Variants in CCDC7 observed in about 807,000 individuals in gnomAD.
The protein encoded by CCDC7 is coiled-coil domain-containing protein 7.
CCDC7 carries 183 observed loss-of-function variants against 196.9 expected under a neutral mutation model. That is an observed-to-expected ratio of 0.93 (90% CI 0.82 to 1.05). CCDC7 has a LOEUF of 1.05. Ranked by LOEUF, CCDC7 falls within the 50% of genes least tolerant of loss-of-function variation. The probability of loss-of-function intolerance (pLI) is 0.00; values close to 1 mark genes in which losing one functional copy is unlikely to be tolerated. For missense variants in CCDC7, 1,540 were observed against 1,482.2 expected (o/e 1.04, Z -0.64); for synonymous variants, 525 against 484.6 (o/e 1.08, Z -1.10).
At chr10:32,518,385 C>A in intron 10 of CCDC7, 31 bp from the exon 12 acceptor site, 1 of 1,547,828 alleles carries the variant, frequency 6.5e-7, no homozygotes, top group South Asian at 1.3e-5. Context: ...GAGTTTTACT[C>A]TTCATTATTA....
At chr10:32,500,224 C>T (rs956456358) in intron 9 of CCDC7, among the ~76,000 whole-genome samples, 61 of 146,552 alleles carry the variant, frequency 4.2e-4, no homozygotes, top group African/African-American at 1.4e-3. Flanking sequence ...GCCGGCCTGG[C>T]GGGGGCTGCC....
chr10:32,646,730 C>G (rs2140048901), intron 20 of CCDC7, among the ~76,000 whole-genome samples: 1 of 152,262 alleles, frequency 6.6e-6, no homozygotes, highest in South Asian at 2.1e-4. Context: ...TTTAAACCCA[C>G]CACCACCTTC....
chr10:32,559,476 C>A (rs1208209332), intron 13 of CCDC7, among the ~76,000 whole-genome samples: 2 of 152,220 alleles, frequency 1.3e-5, no homozygotes, highest in Non-Finnish European at 2.9e-5. Flanking sequence ...TGAGACAAAA[C>A]TTGCAGAGGA....
At chr10:32,485,567 G>C (rs1241641755) in intron 8 of CCDC7, among the ~76,000 whole-genome samples, 1 of 152,116 alleles carries the variant, frequency 6.6e-6, no homozygotes, top group Non-Finnish European at 1.5e-5. Flanking sequence ...TGCTTCTCTA[G>C]TTCTTTTAAT....
chr10:32,796,842 T>A (rs571958731), intron 29 of CCDC7, among the ~76,000 whole-genome samples: 1 of 152,300 alleles, frequency 6.6e-6, no homozygotes, highest in South Asian at 2.1e-4. Context: ...CGAAAAGACA[T>A]CCCAGGACAA....
At chr10:32,735,614 C>T (rs894403186) in intron 28 of CCDC7, among the ~76,000 whole-genome samples, 1 of 152,112 alleles carries the variant, frequency 6.6e-6, no homozygotes, top group African/African-American at 2.4e-5. Context: ...TTTCTTCCTG[C>T]AGGTGGCTTT....
Position 32,717,968 on chromosome 10 carries a change from G to C in CCDC7, c.2569+6238G>C, listed in dbSNP as rs144375937. Among the ~76,000 whole-genome samples the C allele has an allele frequency of 5.7e-4, 86 of 151,214 alleles. No homozygotes were observed. The East Asian group carries it at 0.013, about 23-fold the overall frequency. On this transcript the variant is annotated intron_variant, in intron 25 of 41. Coordinates refer to ENST00000639629, the Ensembl canonical transcript of CCDC7. The stretch of plus-strand genomic sequence containing the variant: ...CTACCAGAGGTATAATCAGGAGCTG[G>C]TACCATTTCTTCTGAAACTATTCCA...
intron 24 of CCDC7, among the ~76,000 whole-genome samples, chr10:32,700,855 T>C (rs2078589398): frequency 6.6e-6 from 1 of 152,198 alleles, no homozygotes; most frequent in Non-Finnish European, 1.5e-5. Context: ...GGCTCTCTGT[T>C]TGTCTGTTAT....
intron 24 of CCDC7, among the ~76,000 whole-genome samples, chr10:32,697,792 G>A (rs1421467521): frequency 1.3e-5 from 2 of 152,318 alleles, no homozygotes; most frequent in East Asian, 1.9e-4. Context: ...AGACTTAAAC[G>A]TCCCTGTCTG....
At chr10:32,503,483 C>G (rs182376547) in intron 9 of CCDC7, among the ~76,000 whole-genome samples, 1 of 152,224 alleles carries the variant, frequency 6.6e-6, no homozygotes, top group Non-Finnish European at 1.5e-5. Context: ...GGGATAAATT[C>G]CACTTGATCA....
intron 32 of CCDC7, among the ~76,000 whole-genome samples, chr10:32,833,382 A>G (rs941445570): frequency 6.6e-6 from 1 of 151,328 alleles, no homozygotes; most frequent in Non-Finnish European, 1.5e-5. Context: ...GCTCAATAAA[A>G]TCCATGTGTA....
chr10:32,576,184 AT>A (rs1166237585), intron 16 of CCDC7, among the ~76,000 whole-genome samples: 6 of 151,728 alleles, frequency 4.0e-5, no homozygotes, highest in Non-Finnish European at 8.8e-5. Flanking sequence ...CAAAGTTACC[AT>A]TTTGCCATCA....
At chr10:32,722,823 G>A (rs1015005133) in intron 25 of CCDC7, among the ~76,000 whole-genome samples, 1 of 152,084 alleles carries the variant, frequency 6.6e-6, no homozygotes, top group Non-Finnish European at 1.5e-5. Flanking sequence ...GGATTATGGA[G>A]ATCATAGTTG....
chr10:32,721,957 A>T (rs1178570963), intron 25 of CCDC7, among the ~76,000 whole-genome samples: 1 of 152,114 alleles, frequency 6.6e-6, no homozygotes, highest in Non-Finnish European at 1.5e-5. Context: ...GCCAGTGCTT[A>T]GGGCTACACT....
chr10:32,476,015 A>T (rs1048616356), intron 8 of CCDC7, among the ~76,000 whole-genome samples: 3 of 152,192 alleles, frequency 2.0e-5, no homozygotes, highest in African/African-American at 7.2e-5. Context: ...ATTTTGCATT[A>T]ATGTGATACA....
chr10:32,729,958 G>A (rs542715371), intron 28 of CCDC7, among the ~76,000 whole-genome samples: 27 of 151,828 alleles, frequency 1.8e-4, no homozygotes, highest in East Asian at 5.8e-4. Flanking sequence ...TATGTCTATC[G>A]TAAGAAACTT....
intron 8 of CCDC7, among the ~76,000 whole-genome samples, 184 bp downstream of exon 9, chr10:32,474,207 A>AATCT (rs2038515365): frequency 1.9e-5 from 2 of 106,990 alleles, no homozygotes; most frequent in Non-Finnish European, 1.9e-5. Context: ...CTGAAACTAG[A>AATCT]TTCTTTTTTT....
At chr10:32,539,242 G>A (rs748437875) in intron 11 of CCDC7, among the ~76,000 whole-genome samples, 4 of 152,002 alleles carry the variant, frequency 2.6e-5, no homozygotes, top group African/African-American at 9.7e-5. Flanking sequence ...TTGGGTGGTT[G>A]TATGTGTCCA....
chr10:32,639,721 G>A (rs553126394), intron 20 of CCDC7, among the ~76,000 whole-genome samples: 1 of 150,128 alleles, frequency 6.7e-6, no homozygotes, highest in Non-Finnish European at 1.5e-5. Context: ...TCTGCCTCCT[G>A]GCTTCACGCC....
Sources: gnomAD v4.1 joint callset for allele counts (sites outside exome capture counted in the v4.1 genomes callset) on GRCh38, gnomAD v4.1.1 for gene constraint, MANE v1.5 for transcripts, NCBI Gene and HGNC (gene_info 2026-07-23, HGNC 2026-07-21) for gene names.